The following AFDN variants were observed in gnomAD, a reference collection of about 807,000 sequenced individuals.
AFDN encodes afadin.
In AFDN, 68 loss-of-function variants were observed where a neutral mutation model predicts 216.6. The ratio of observed to expected loss-of-function variants is 0.31; its 90% confidence interval spans 0.26 to 0.38. The LOEUF is 0.38. Among genes scored for constraint, AFDN ranks in the 10% least tolerant of loss-of-function variants. The probability of loss-of-function intolerance (pLI) is 1.00; values close to 1 mark genes in which losing one functional copy is unlikely to be tolerated. For synonymous variants in AFDN, 868 were observed against 853.7 expected (o/e 1.02, Z -0.29); for missense variants, 2,136 against 2,342.0 (o/e 0.91, Z 1.82).
chr6:167,888,321 G>A (rs951862847), intron 6 of AFDN, among the ~76,000 whole-genome samples: 1 of 152,198 alleles, frequency 6.6e-6, no homozygotes, highest in African/African-American at 2.4e-5. Flanking sequence ...TGGTATGTGA[G>A]CATGAGGATA....
intron 29 of AFDN, among the ~76,000 whole-genome samples, chr6:167,950,392 C>G (rs915857538): frequency 3.6e-5 from 5 of 139,266 alleles, no homozygotes; most frequent in South Asian, 2.5e-4. Context: ...TCATTTTTCT[C>G]TGTGTCTGTG....
chr6:167,947,214 G>A (rs1020169781), intron 27 of AFDN, among the ~76,000 whole-genome samples: 3 of 147,418 alleles, frequency 2.0e-5, no homozygotes, highest in African/African-American at 5.1e-5. Context: ...TCACTCTCTC[G>A]CCCAGGCTGG....
chr6:167,950,398 CTGTG>C (rs3839648), intron 29 of AFDN, among the ~76,000 whole-genome samples: 37 of 148,808 alleles, frequency 2.5e-4, no homozygotes, highest in Non-Finnish European at 3.6e-4. Flanking sequence ...TTCTCTGTGT[CTGTG>C]TGTGTGTGTG....
In AFDN at chr6:167,966,276, G is replaced by A. The variant is rs770393405; in HGVS notation, c.5257+231G>A. On this transcript the variant is annotated intron_variant, in intron 32 of 33. Coordinates refer to ENST00000683244, the MANE Select transcript of AFDN (RefSeq NM_001386888.1). ...CCATCCCAGCCACTGCAAAGGTAGA[G>A]GTAAAAGAGTGACAAATCAGCTCTC... 5 of 1,505,364 alleles carry A rather than the reference G, an allele frequency of 3.3e-6. No homozygotes were observed. The African/African-American group carries it at 6.9e-5, about 21-fold the overall frequency. 93.3% of individuals were successfully genotyped at this position (1,505,364 alleles called of 1,614,324 possible).
rs1248805537 is a variant in AFDN, at chr6:167,890,933, G to A, written c.1081G>A (p.Gly361Ser). The A allele has an allele frequency of 1.2e-6, 2 of 1,614,134 alleles. No homozygotes were observed. The highest frequency in any genetic ancestry group is 1.7e-6 in the Non-Finnish European group (2 of 1,180,010). ...IPKKTKKHLE[G>S]KTPKGKERAD... ...AAAGAAAACCAAGAAACACTTGGAA[G>A]GCAAGACACCCAAGGGAAAGGAGAG... The change falls in exon 8 of 34, where the codon GGC becomes AGC. Residue 361 changes from glycine (G) to serine (S), a missense_variant. Coordinates refer to ENST00000683244, the MANE Select transcript of AFDN (RefSeq NM_001386888.1).
intron 4 of AFDN, 70 bp from the exon 5 acceptor site, chr6:167,875,265 G>A (rs1033632330): frequency 5.4e-5 from 79 of 1,450,440 alleles, no homozygotes; most frequent in Middle Eastern, 3.8e-4. Context: ...ATTTTTGTGC[G>A]GTTGCAATGT....
chr6:167,838,438 TAAAC>T, intron 1 of AFDN, among the ~76,000 whole-genome samples: 1 of 152,336 alleles, frequency 6.6e-6, no homozygotes, highest in East Asian at 1.9e-4. Context: ...AATTAAACAA[TAAAC>T]AAAATGTGTT....
intron 1 of AFDN, among the ~76,000 whole-genome samples, chr6:167,854,781 C>T (rs1418184475): frequency 6.6e-6 from 1 of 150,442 alleles, no homozygotes. Flanking sequence ...TTTTTTTAAA[C>T]ATCTAGTAGG....
intron 8 of AFDN, among the ~76,000 whole-genome samples, chr6:167,892,839 C>G (rs1787778823): frequency 6.6e-6 from 1 of 152,044 alleles, no homozygotes; most frequent in African/African-American, 2.4e-5. Context: ...TGGAGTAGAT[C>G]ACAGTTCTGT....
At chr6:167,854,645 G>C (rs1436848653) in intron 1 of AFDN, among the ~76,000 whole-genome samples, 1 of 151,634 alleles carries the variant, frequency 6.6e-6, no homozygotes, top group East Asian at 1.9e-4. Context: ...TCTCTTTGCC[G>C]TCTGTCTGTC....
At chr6:167,832,281 G>A (rs963182202) in intron 1 of AFDN, among the ~76,000 whole-genome samples, 2 of 152,184 alleles carry the variant, frequency 1.3e-5, no homozygotes, top group Non-Finnish European at 2.9e-5. Flanking sequence ...AAAATCTACC[G>A]GTGGGCTTCC....
At chr6:167,943,916 T>TA (rs1409814717) in intron 25 of AFDN, 25 bp from the exon 26 acceptor site, 1 of 1,602,060 alleles carries the variant, frequency 6.2e-7, no homozygotes, top group Non-Finnish European at 8.6e-7. Flanking sequence ...TAGTCTTTCT[T>TA]ACATGTGTAA....
chr6:167,838,313 CAT>C (rs1780674434), intron 1 of AFDN, among the ~76,000 whole-genome samples: 1 of 83,884 alleles, frequency 1.2e-5, no homozygotes, highest in Non-Finnish European at 2.6e-5. Context: ...TGTGCCTGCT[CAT>C]GCCATCTCGC....
intron 31 of AFDN, chr6:167,964,934 A>G: frequency 9.4e-7 from 1 of 1,058,768 alleles, no homozygotes. Flanking sequence ...TAATGTTAAA[A>G]GAATTTTAAC....
chr6:167,959,791 G>A lies in AFDN; in HGVS notation c.4834-2642G>A, dbSNP rs144025468. Among the ~76,000 whole-genome samples the A allele has an allele frequency of 5.1e-3, 780 of 152,312 alleles. 9 individuals carry two copies. The highest frequency in any genetic ancestry group is 0.018 in the African/African-American group (750 of 41,556). ...TATAGCAGAACCTTGGTTCAAGCTT[G>A]CTACATACTGGCTTTCAAATCCCAG... On this transcript the variant is annotated intron_variant, in intron 30 of 33. Coordinates refer to ENST00000683244, the MANE Select transcript of AFDN (RefSeq NM_001386888.1).
At chr6:167,863,042 T>C (rs561002974) in intron 1 of AFDN, among the ~76,000 whole-genome samples, 5 of 152,316 alleles carry the variant, frequency 3.3e-5, no homozygotes, top group Admixed American at 6.5e-5. Flanking sequence ...TTGTTTTGAT[T>C]TTCATAAGTT....
At chr6:167,846,785 G>T (rs1460807855) in intron 1 of AFDN, among the ~76,000 whole-genome samples, 1 of 147,274 alleles carries the variant, frequency 6.8e-6, no homozygotes, top group African/African-American at 2.5e-5. Context: ...AGGATGTCTA[G>T]GAAATGGCAT....
chr6:167,832,612 C>T (rs546907612), intron 1 of AFDN, among the ~76,000 whole-genome samples: 1 of 152,154 alleles, frequency 6.6e-6, no homozygotes, highest in Non-Finnish European at 1.5e-5. Flanking sequence ...GGTTCAAATA[C>T]AAGCAGGAAG....
chr6:167,948,255 G>GT, intron 28 of AFDN, 38 bp from the exon 29 acceptor site: 1 of 1,558,224 alleles, frequency 6.4e-7, no homozygotes, highest in South Asian at 1.2e-5. Flanking sequence ...CTGTATGGTT[G>GT]TAAAAAGCTC....
Sources: allele counts gnomAD v4.1 joint callset (sites outside exome capture counted in the v4.1 genomes callset), GRCh38; gene constraint gnomAD v4.1.1; transcripts MANE v1.5; gene names NCBI Gene and HGNC (gene_info 2026-07-23, HGNC 2026-07-21).